The following LINGO2 variants were observed in gnomAD, a reference collection of about 807,000 sequenced individuals.
The protein encoded by LINGO2 is leucine rich repeat and Ig domain containing 2.
In LINGO2, 14 loss-of-function variants were observed where a neutral mutation model predicts 30.6. The ratio of observed to expected loss-of-function variants is 0.46; its 90% CI spans 0.30 to 0.72. The LOEUF (loss-of-function observed/expected upper bound fraction) is 0.72, where lower values mean the gene tolerates loss of function less well. Among genes scored for constraint, LINGO2 ranks in the 30% least tolerant of loss-of-function variants. The probability of loss-of-function intolerance (pLI) is 0.07; values close to 1 mark genes in which losing one functional copy is unlikely to be tolerated. For missense variants in LINGO2, 729 were observed against 751.7 expected (o/e 0.97, Z 0.35); for synonymous variants, 317 against 288.5 (o/e 1.10, Z -1.00).
chr9:28,727,597 A>G, the LINGO2 span, among the ~76,000 whole-genome samples: 1 of 152,064 alleles, frequency 6.6e-6, no homozygotes, highest in East Asian at 1.9e-4. Flanking sequence ...CAAATTAGCT[A>G]AAAAATACTT....
the LINGO2 span, among the ~76,000 whole-genome samples, chr9:28,724,602 G>C: frequency 6.6e-6 from 1 of 152,150 alleles, no homozygotes; most frequent in East Asian, 1.9e-4. Context: ...AATAGGAAAG[G>C]GAACATGAAA....
chr9:28,321,849 A>G (rs965585348), intron 3 of LINGO2, among the ~76,000 whole-genome samples: 3 of 152,304 alleles, frequency 2.0e-5, no homozygotes, highest in Admixed American at 1.3e-4. Context: ...TTCCCAAAAT[A>G]AATTCCATTG....
the LINGO2 span, among the ~76,000 whole-genome samples, chr9:29,112,165 T>A: frequency 6.7e-6 from 1 of 150,260 alleles, no homozygotes; most frequent in Non-Finnish European, 1.5e-5. Flanking sequence ...CCCAAAATGA[T>A]GTCTAATTTT....
At chr9:28,093,934 A>G (rs551391589) in intron 4 of LINGO2, among the ~76,000 whole-genome samples, 6 of 152,070 alleles carry the variant, frequency 3.9e-5, no homozygotes, top group South Asian at 2.1e-4. Context: ...GTGAAGGTAC[A>G]TGCTTGAGGA....
intron 4 of LINGO2, among the ~76,000 whole-genome samples, chr9:28,030,275 TTC>T (rs1823601321): frequency 6.6e-6 from 1 of 152,234 alleles, no homozygotes; most frequent in South Asian, 2.1e-4. Context: ...ATTTCTGAGA[TTC>T]TGAGATAGCA....
intron 1 of LINGO2, among the ~76,000 whole-genome samples, chr9:28,499,056 A>G (rs1420014968): frequency 2.6e-5 from 4 of 152,134 alleles, no homozygotes; most frequent in Non-Finnish European, 5.9e-5. Context: ...TTTTCACAAG[A>G]AAGTAGCCTT....
At chr9:28,433,949 C>CTCTATATATATATATATATATA (rs1225323260) in intron 2 of LINGO2, among the ~76,000 whole-genome samples, 35 of 88,512 alleles carry the variant, frequency 4.0e-4, no homozygotes, top group African/African-American at 1.5e-3. Flanking sequence ...CTCTCTCTCT[C>CTCTATATATATATATATATATA]TATATATATA....
At chr9:28,095,555 T>C (rs1001069705) in intron 4 of LINGO2, among the ~76,000 whole-genome samples, 5 of 151,012 alleles carry the variant, frequency 3.3e-5, no homozygotes, top group Non-Finnish European at 7.4e-5. Context: ...ATACAAAAAT[T>C]AATTCAAGAT....
chr9:28,171,819 T>G (rs1828591826), intron 4 of LINGO2, among the ~76,000 whole-genome samples: 1 of 148,300 alleles, frequency 6.7e-6, no homozygotes, highest in Non-Finnish European at 1.5e-5. Context: ...CCATGCTGGC[T>G]AACACGGTGA....
At chr9:28,019,738 TAA>T (rs1169492281) in intron 4 of LINGO2, among the ~76,000 whole-genome samples, 1 of 152,130 alleles carries the variant, frequency 6.6e-6, no homozygotes, top group Admixed American at 6.6e-5. Flanking sequence ...ATATTTTTTC[TAA>T]AAATAATGTA....
At chr9:28,265,950 G>A (rs551437662) in intron 4 of LINGO2, among the ~76,000 whole-genome samples, 2 of 152,062 alleles carry the variant, frequency 1.3e-5, no homozygotes, top group African/African-American at 2.4e-5. Flanking sequence ...CACATTCAAA[G>A]TGGGGACCAG....
chr9:28,873,738 T>C, the LINGO2 span, among the ~76,000 whole-genome samples: 1 of 152,146 alleles, frequency 6.6e-6, no homozygotes, highest in Non-Finnish European at 1.5e-5. Flanking sequence ...ACTTCTCTTT[T>C]GATGTTCTAC....
At chr9:28,334,641 G>C (rs2134359786) in intron 3 of LINGO2, among the ~76,000 whole-genome samples, 1 of 152,254 alleles carries the variant, frequency 6.6e-6, no homozygotes, top group East Asian at 1.9e-4. Context: ...TAGTGGTTAT[G>C]TAAGAACTCT....
At chr9:27,990,100 A>G (rs546589836) in intron 5 of LINGO2, among the ~76,000 whole-genome samples, 3 of 152,154 alleles carry the variant, frequency 2.0e-5, no homozygotes, top group Admixed American at 1.3e-4. Flanking sequence ...TCCTTCAGCA[A>G]ATAGCACTGC....
chr9:28,879,418 GATA>G, the LINGO2 span, among the ~76,000 whole-genome samples: 3 of 152,092 alleles, frequency 2.0e-5, no homozygotes, highest in Admixed American at 1.3e-4. Flanking sequence ...CTTCAATAGT[GATA>G]ATAAGAAACC....
chr9:29,092,897 A>G, the LINGO2 span, among the ~76,000 whole-genome samples: 3 of 135,994 alleles, frequency 2.2e-5, no homozygotes, highest in African/African-American at 8.3e-5. Flanking sequence ...TTATTTTTAT[A>G]TTATTGGATA....
At chr9:28,739,172 T>A in the LINGO2 span, among the ~76,000 whole-genome samples, 1 of 151,974 alleles carries the variant, frequency 6.6e-6, no homozygotes, top group Non-Finnish European at 1.5e-5. Flanking sequence ...TGGGCAGTAC[T>A]TTTCCAAAAA....
At chr9:28,399,763 G>C (rs1157084639) in intron 2 of LINGO2, among the ~76,000 whole-genome samples, 1 of 152,064 alleles carries the variant, frequency 6.6e-6, no homozygotes, top group African/African-American at 2.4e-5. Flanking sequence ...ATTACATTAG[G>C]CATTATGTTA....
chr9:28,676,615 CAT>C, the LINGO2 span, among the ~76,000 whole-genome samples: 1 of 151,958 alleles, frequency 6.6e-6, no homozygotes, highest in African/African-American at 2.4e-5. Context: ...GCTTTTAAAA[CAT>C]GTGTTGTTGG....
Sources: gnomAD v4.1 joint callset for allele counts (sites outside exome capture counted in the v4.1 genomes callset) on GRCh38, gnomAD v4.1.1 for gene constraint, MANE v1.5 for transcripts, NCBI Gene and HGNC (gene_info 2026-07-23, HGNC 2026-07-21) for gene names.